The following GOLGA8A variants were observed in gnomAD, a reference collection of about 807,000 sequenced individuals.
GOLGA8A encodes the protein golgin A8 family member A.
In GOLGA8A, 3 loss-of-function variants were observed where a neutral mutation model predicts 22.1. That is an observed-to-expected ratio of 0.14 (90% CI 0.06 to 0.35). GOLGA8A has a LOEUF of 0.35. GOLGA8A is among the 10% of genes least tolerant of loss of function. GOLGA8A has a pLI of 1.00. For synonymous variants in GOLGA8A, 7 were observed against 91.7 expected, an observed-to-expected ratio of 0.08 and a Z score of 5.28; for missense variants, 16 against 233.2, an observed-to-expected ratio of 0.07 and a Z score of 6.07.
rs1210811047 is a variant in GOLGA8A, at chr15:34,431,323, A to C, written c.-1123+4060T>G. Among the ~76,000 whole-genome samples the C allele has an allele frequency of 1.9e-3, 32 of 16,896 alleles. 1 individual carries two copies. The highest frequency in any genetic ancestry group is 3.7e-3 in the Non-Finnish European group (23 of 6,190). 11.1% of individuals were successfully genotyped at this position (16,896 alleles called of 152,430 possible). The stretch of plus-strand genomic sequence containing the variant: ...TATATATATATATACATATATATAT[A>C]TATATATATATATATATATATATCT... On this transcript the variant is annotated intron_variant, in intron 2 of 24. Transcript: ENST00000359187.
chr15:34,429,270 C>G (rs997288748), intron 2 of GOLGA8A, among the ~76,000 whole-genome samples: 4 of 146,694 alleles, frequency 2.7e-5, no homozygotes, highest in Non-Finnish European at 6.0e-5. Flanking sequence ...ATTGGCCCAC[C>G]TACTTTGCTC....
At chr15:34,427,840 C>G (rs1893051025) in intron 2 of GOLGA8A, among the ~76,000 whole-genome samples, 2 of 148,314 alleles carry the variant, frequency 1.3e-5, no homozygotes, top group African/African-American at 5.0e-5. Context: ...CCTCAGTGTG[C>G]TGGTGAGCAG....
At chr15:34,420,258 GA>G (rs1892744366) in intron 2 of GOLGA8A, 1 of 145,166 alleles carries the variant, frequency 6.9e-6, no homozygotes. Flanking sequence ...GTATCACAAA[GA>G]GAAGCCTCAG....
At chr15:34,435,194 C>T (rs1352438449) in intron 2 of GOLGA8A, among the ~76,000 whole-genome samples, 189 bp downstream of exon 2, 1 of 149,190 alleles carries the variant, frequency 6.7e-6, no homozygotes, top group Non-Finnish European at 1.5e-5. Context: ...CAGGCTCAAC[C>T]CCCACTCTCC....
At chr15:34,386,535 G>A in intron 12 of GOLGA8A, 90 bp downstream of exon 12, 1 of 1,363,462 alleles carries the variant, frequency 7.3e-7, no homozygotes, top group Non-Finnish European at 9.8e-7. Context: ...TTGGCACCAG[G>A]GGCCCCCAGC....
intron 1 of GOLGA8A, among the ~76,000 whole-genome samples, chr15:34,436,745 C>G (rs894341990): frequency 2.0e-5 from 3 of 149,972 alleles, no homozygotes; most frequent in African/African-American, 7.4e-5. Flanking sequence ...AGATCTCCCT[C>G]CAGCAGCCTT....
intron 2 of GOLGA8A, among the ~76,000 whole-genome samples, chr15:34,425,211 C>G (rs1317909131): frequency 6.8e-6 from 1 of 147,032 alleles, no homozygotes; most frequent in African/African-American, 2.5e-5. Context: ...TAAGTCTTAC[C>G]AAAAGCCACC....
At chr15:34,428,278 A>G (rs1256604777) in intron 2 of GOLGA8A, among the ~76,000 whole-genome samples, 1 of 147,486 alleles carries the variant, frequency 6.8e-6, no homozygotes, top group African/African-American at 2.5e-5. Flanking sequence ...ATTTTTTTGT[A>G]GAGGTGAGGT....
intron 2 of GOLGA8A, among the ~76,000 whole-genome samples, chr15:34,433,958 G>T (rs1893371508): frequency 6.7e-6 from 1 of 149,382 alleles, no homozygotes; most frequent in Admixed American, 6.7e-5. Flanking sequence ...GGCATCTGGG[G>T]GTGGCTGATG....
rs899939208 is a variant in GOLGA8A at position 34,380,768 on chromosome 15, C to T, written c.*643G>A. 3 of 180,616 alleles carry T rather than the reference C, an allele frequency of 1.7e-5. No individual in the cohort carries two copies. Among genetic ancestry groups the T allele is most frequent in the African/African-American group, 7.2e-5 (3 of 41,588 alleles). 11.2% of individuals were successfully genotyped at this position (180,616 alleles called of 1,614,324 possible). A position where few individuals can be genotyped will look rare whatever the true frequency, so the allele number is the denominator to read the frequency against. ...ATACCTGCCAGAGCAGGCCACTTTC[C>T]TCTTCTGTGAGATTTAGAAAGCTCC... On this transcript the variant is annotated 3_prime_UTR_variant, in exon 25 of 25. Transcript: ENST00000359187.
At chr15:34,418,130 T>TAAGAAAA (rs1892649752) in intron 2 of GOLGA8A, 1 of 62,776 alleles carries the variant, frequency 1.6e-5, no homozygotes, top group Non-Finnish European at 3.2e-5. Flanking sequence ...GTAGATTCTT[T>TAAGAAAA]AAAAAAAAAA....
At position 34,433,113 on chromosome 15, in the gene GOLGA8A, T is replaced by C. The variant is rs77636608; in HGVS notation, c.-1123+2270A>G. ...TTACTCCAAATCCCATCCTCTTTTCTGACCTCCCAGTCCCTTTCTCATAAA... is the reference window on the plus strand; with the variant it reads ...TTACTCCAAATCCCATCCTCTTTTCCGACCTCCCAGTCCCTTTCTCATAAA... On this transcript the variant is annotated intron_variant, in intron 2 of 24. Transcript: ENST00000359187. Among the ~76,000 whole-genome samples the C allele has an allele frequency of 1.3e-5, 2 of 148,858 alleles. 1 individual carries two copies. The highest frequency in any genetic ancestry group is 3.0e-5 in the Non-Finnish European group (2 of 67,080).
Position 34,437,428 on chromosome 15 carries a change from C to T in GOLGA8A, c.-1242G>A, listed in dbSNP as rs1426442112. ...CAGGGCGCGGGGCTGCCCCGGTCCG[C>T]CGCCGTCCTCGCCGCGCCGCCGTCC... On this transcript the variant is annotated 5_prime_UTR_variant, in exon 1 of 25. Transcript: ENST00000359187. 1 of 139,924 alleles carries T rather than the reference C, an allele frequency of 7.1e-6. No homozygotes were observed. The highest frequency in any genetic ancestry group is 2.6e-5 in the African/African-American group (1 of 38,404). 8.7% of individuals were successfully genotyped at this position (139,924 alleles called of 1,614,324 possible). A position where few individuals can be genotyped will look rare whatever the true frequency, so the allele number is the denominator to read the frequency against.
Position 34,380,219 on chromosome 15 carries a change from T to TGAA in GOLGA8A, c.*1189_*1191dup, listed in dbSNP as rs922485011. 2.0e-5 allele frequency: 3 copies of TGAA among 152,156 alleles called. No homozygotes were observed. Among genetic ancestry groups the TGAA allele is most frequent in the African/African-American group, 7.2e-5 (3 of 41,432 alleles). The allele number at this position is 152,156 out of a possible 1,614,324, so 9.4% of individuals were successfully genotyped here. ...CCTATGTCAGAGTAACCGAGGTGGTTGAAGAATAGGTATTAGCCAGAGAGG... is the reference window on the plus strand; with the variant it reads ...CCTATGTCAGAGTAACCGAGGTGGTTGAAGAAGAATAGGTATTAGCCAGAGAGG... On this transcript the variant is annotated 3_prime_UTR_variant, in exon 25 of 25. Transcript: ENST00000359187.
rs1020235796 is a variant in GOLGA8A at position 34,380,380 on chromosome 15, C to T, written c.*1031G>A. On this transcript the variant is annotated 3_prime_UTR_variant, in exon 25 of 25. Transcript: ENST00000359187. ...TATGCCTGTTTCAGAGACATTTAAA[C>T]TCTTAAAGGATTTCTTATGATCTTC... 1.3e-5 allele frequency: 2 copies of T among 152,312 alleles called. No individual in the cohort carries two copies. The highest frequency in any genetic ancestry group is 2.4e-5 in the African/African-American group (1 of 41,582). The allele number at this position is 152,312 out of a possible 1,614,324, so 9.4% of individuals were successfully genotyped here. A position where few individuals can be genotyped will look rare whatever the true frequency, so the allele number is the denominator to read the frequency against.
chr15:34,434,461 G>A (rs571516785), intron 2 of GOLGA8A, among the ~76,000 whole-genome samples: 2 of 149,286 alleles, frequency 1.3e-5, no homozygotes, highest in African/African-American at 4.9e-5. Context: ...GGCCTCCCTT[G>A]TGTGTCTGGA....
intron 2 of GOLGA8A, among the ~76,000 whole-genome samples, chr15:34,431,950 C>T (rs1246182057): frequency 6.7e-6 from 1 of 148,836 alleles, no homozygotes; most frequent in East Asian, 2.0e-4. Context: ...CATGACAGTA[C>T]ATATGTATCT....
rs567002153 is a variant in GOLGA8A at position 34,399,369 on chromosome 15, ACT to A, written c.-526-168_-526-167del. Among the ~76,000 whole-genome samples the A allele has an allele frequency of 4.9e-3, 431 of 88,430 alleles. 4 individuals carry two copies. The highest frequency in any genetic ancestry group is 0.015 in the African/African-American group (394 of 26,458). 58.0% of individuals were successfully genotyped at this position (88,430 alleles called of 152,430 possible). On this transcript the variant is annotated intron_variant, in intron 6 of 24. Transcript: ENST00000359187. ...ATACAGGACTATGGGTAACTTAAAAACTCTGTTGGTATTACTCTCATGTAATT... is the reference window on the plus strand; with the variant it reads ...ATACAGGACTATGGGTAACTTAAAAACTGTTGGTATTACTCTCATGTAATT...
At position 34,379,157 on chromosome 15, in the gene GOLGA8A, C is replaced by T. The variant is rs1059947; in HGVS notation, c.*2254G>A. 131 of 152,692 alleles carry T rather than the reference C, an allele frequency of 8.6e-4. 2 individuals are homozygous for T. The highest frequency in any genetic ancestry group is 2.6e-3 in the African/African-American group (108 of 41,546). 9.5% of individuals were successfully genotyped at this position (152,692 alleles called of 1,614,324 possible). A position where few individuals can be genotyped will look rare whatever the true frequency, so the allele number is the denominator to read the frequency against. On this transcript the variant is annotated 3_prime_UTR_variant, in exon 25 of 25. Coordinates refer to ENST00000359187, the MANE Select transcript of GOLGA8A (RefSeq NM_181077.5). ...TTAAGCAAAAGTCTTTCAGTATTTC[C>T]GTTACACATTCTGTTAACAAGAACT...
Sources: allele counts gnomAD v4.1 joint callset (sites outside exome capture counted in the v4.1 genomes callset), GRCh38; gene constraint gnomAD v4.1.1; transcripts MANE v1.5; gene names NCBI Gene and HGNC (gene_info 2026-07-23, HGNC 2026-07-21).